Variants in PHACTR3 observed in about 807,000 individuals in gnomAD.
PHACTR3 encodes phosphatase and actin regulator 3.
A neutral mutation model predicts 66.8 loss-of-function variants in PHACTR3; 16 were observed. The ratio of observed to expected loss-of-function variants is 0.24; its 90% CI spans 0.16 to 0.36. The LOEUF is 0.36. PHACTR3 is among the 10% of genes least tolerant of loss of function. PHACTR3 has a pLI of 1.00. For missense variants in PHACTR3, 647 were observed against 719.9 expected, an observed-to-expected ratio of 0.90 and a Z score of 1.16; for synonymous variants, 323 against 292.1, an observed-to-expected ratio of 1.11 and a Z score of -1.08.
At chr20:59,734,015 T>C (rs6027065) in intron 1 of PHACTR3, among the ~76,000 whole-genome samples, 36,533 of 151,648 alleles carry the variant, frequency 0.24, 5,044 homozygotes, top group African/African-American at 0.37. Context: ...CGTGGTCTTC[T>C]CACAAGGCTG....
Position 59,704,770 on chromosome 20 carries a change from A to G in PHACTR3, c.119-38337A>G, listed in dbSNP as rs551458268. 2.6e-5 allele frequency among the ~76,000 whole-genome samples: 4 copies of G among 151,410 alleles called. No homozygotes were observed. The East Asian group carries it at 7.8e-4, about 29-fold the overall frequency. ...CACCTCCTTTATTATATTTTTTTCAATTTTGAGAGCCATTCTATTATGTGT... is the reference window on the plus strand; with the variant it reads ...CACCTCCTTTATTATATTTTTTTCAGTTTTGAGAGCCATTCTATTATGTGT... On this transcript the variant is annotated intron_variant, in intron 1 of 12. Transcript: ENST00000371015.
chr20:59,588,824 T>C (rs1360055645), intron 1 of PHACTR3, among the ~76,000 whole-genome samples: 1 of 152,186 alleles, frequency 6.6e-6, no homozygotes, highest in Non-Finnish European at 1.5e-5. Flanking sequence ...TGATCAAATA[T>C]AAAGCAGGGC....
At chr20:59,723,663 C>T (rs1190536694) in intron 1 of PHACTR3, among the ~76,000 whole-genome samples, 1 of 152,004 alleles carries the variant, frequency 6.6e-6, no homozygotes, top group Non-Finnish European at 1.5e-5. Context: ...GGGGCAAGCT[C>T]AGGAGCAGAA....
At chr20:59,801,502 T>A (rs1329902292) in intron 7 of PHACTR3, among the ~76,000 whole-genome samples, 2 of 152,220 alleles carry the variant, frequency 1.3e-5, no homozygotes, top group Non-Finnish European at 2.9e-5. Context: ...ACATTCCTTC[T>A]AGAGAATAAA....
Position 59,847,269 on chromosome 20 carries a change from G to A in PHACTR3, c.*139G>A. The A allele has an allele frequency of 1.8e-6, 1 of 567,554 alleles. No homozygotes were observed. Among genetic ancestry groups the A allele is most frequent in the Non-Finnish European group, 3.2e-6 (1 of 316,304 alleles). 35.2% of individuals were successfully genotyped at this position (567,554 alleles called of 1,614,324 possible). A position where few individuals can be genotyped will look rare whatever the true frequency, so the allele number is the denominator to read the frequency against. On this transcript the variant is annotated 3_prime_UTR_variant, in exon 13 of 13. Coordinates refer to ENST00000371015, the MANE Select transcript of PHACTR3 (RefSeq NM_080672.5). The stretch of plus-strand genomic sequence containing the variant: ...GAAGAGTAGGATCACACACACAGGT[G>A]CAATCTTGACCACACTTACCTGCAA...
At chr20:59,785,896 GGCCCT>G (rs1568820884) in intron 7 of PHACTR3, among the ~76,000 whole-genome samples, 5 of 11,910 alleles carry the variant, frequency 4.2e-4, no homozygotes, top group African/African-American at 8.4e-4. Flanking sequence ...GTTTTCCAAC[GGCCCT>G]CTGCATCCCC....
At chr20:59,686,685 G>A (rs1352102301) in intron 1 of PHACTR3, among the ~76,000 whole-genome samples, 1 of 141,668 alleles carries the variant, frequency 7.1e-6, no homozygotes, top group African/African-American at 2.5e-5. Flanking sequence ...TGATGATGGT[G>A]ATGATGATGA....
At position 59,773,718 on chromosome 20, in the gene PHACTR3, G is replaced by A. The variant is rs111600858; in HGVS notation, c.926+265G>A. On this transcript the variant is annotated intron_variant, in intron 6 of 12. Transcript: ENST00000371015. ...CAAAGTCCTGTGCGTGAGCCCCTCA[G>A]GACCCAGGGTGGGGTGGGAGCTTTG... is the stretch of plus-strand genomic sequence containing the variant. 1.9e-3 allele frequency among the ~76,000 whole-genome samples: 296 copies of A among 152,380 alleles called. 3 individuals are homozygous for A. Among genetic ancestry groups the A allele is most frequent in the African/African-American group, 6.7e-3 (280 of 41,592 alleles).
At chr20:59,728,228 T>C (rs2038634103) in intron 1 of PHACTR3, among the ~76,000 whole-genome samples, 1 of 152,256 alleles carries the variant, frequency 6.6e-6, no homozygotes. Flanking sequence ...CTTCTGTGAC[T>C]GGCTCCTTTC....
chr20:59,603,350 G>A (rs1600893333), upstream of PHACTR3, among the ~76,000 whole-genome samples: 2 of 152,142 alleles, frequency 1.3e-5, no homozygotes, highest in Admixed American at 6.5e-5. Flanking sequence ...CAGTCTGAAT[G>A]AATGAATGAG....
At chr20:59,834,188 C>G (rs1343538132) in intron 8 of PHACTR3, among the ~76,000 whole-genome samples, 3 of 152,200 alleles carry the variant, frequency 2.0e-5, no homozygotes, top group African/African-American at 7.2e-5. Flanking sequence ...CTCACTCTTG[C>G]TGGGCTTCAG....
chr20:59,675,357 G>A (rs891461581), intron 1 of PHACTR3, among the ~76,000 whole-genome samples: 2 of 152,110 alleles, frequency 1.3e-5, no homozygotes, highest in African/African-American at 2.4e-5. Flanking sequence ...CCACTACAAT[G>A]TGCTGGGAGC....
chr20:59,590,666 T>C (rs1391817215), intron 1 of PHACTR3, among the ~76,000 whole-genome samples: 2 of 152,208 alleles, frequency 1.3e-5, no homozygotes, highest in East Asian at 3.8e-4. Flanking sequence ...TTAGACTTTT[T>C]GGGCTACAAC....
At chr20:59,614,659 A>G (rs913576398) in intron 1 of PHACTR3, among the ~76,000 whole-genome samples, 4 of 152,312 alleles carry the variant, frequency 2.6e-5, no homozygotes, top group Admixed American at 6.5e-5. Flanking sequence ...CCTTTTAAAA[A>G]GTCACCATTG....
chr20:59,842,443 C>T (rs76741678), intron 11 of PHACTR3, among the ~76,000 whole-genome samples: 1,812 of 152,120 alleles, frequency 0.012, 35 homozygotes, highest in African/African-American at 0.04. Flanking sequence ...ACTGATGTGC[C>T]CAGAGGATCA....
rs557493457 is a variant in PHACTR3, at chr20:59,656,377, C to T, written c.118+51245C>T. ...TTTATGCCTCCCTGATGGATTGACT[C>T]TTTCATCACTGTTTCACCATCATCT... On this transcript the variant is annotated intron_variant, in intron 1 of 12. Transcript: ENST00000371015. 7.2e-5 allele frequency among the ~76,000 whole-genome samples: 11 copies of T among 151,840 alleles called. No individual in the cohort carries two copies. The South Asian group carries it at 2.3e-3, about 32-fold the overall frequency.
intron 4 of PHACTR3, among the ~76,000 whole-genome samples, chr20:59,756,254 T>A (rs1394321387): frequency 6.6e-6 from 1 of 152,130 alleles, no homozygotes. Context: ...GGAATCCTGA[T>A]GTCTCGTAAA....
At chr20:59,811,367 G>A (rs2041731447) in intron 8 of PHACTR3, among the ~76,000 whole-genome samples, 1 of 152,234 alleles carries the variant, frequency 6.6e-6, no homozygotes, top group South Asian at 2.1e-4. Context: ...CTAAAGCAGT[G>A]CAGAATGTTG....
chr20:59,803,914 A>G (rs915260046), intron 7 of PHACTR3, among the ~76,000 whole-genome samples: 3 of 152,176 alleles, frequency 2.0e-5, no homozygotes, highest in African/African-American at 4.8e-5. Flanking sequence ...CTGTCACACA[A>G]TCTAGACTGA....
Sources: allele counts gnomAD v4.1 joint callset (sites outside exome capture counted in the v4.1 genomes callset), GRCh38; gene constraint gnomAD v4.1.1; transcripts MANE v1.5; gene names NCBI Gene and HGNC (gene_info 2026-07-23, HGNC 2026-07-21).